Variants in TRAPPC10 observed in about 807,000 individuals in gnomAD.
The protein encoded by TRAPPC10 is TRAPP 130 kDa subunit.
A neutral mutation model predicts 125.5 loss-of-function variants in TRAPPC10; 23 were observed. The observed-to-expected ratio is 0.18, with a 90% CI of 0.13 to 0.26. The LOEUF (loss-of-function observed/expected upper bound fraction) is 0.26, where lower values mean the gene tolerates loss of function less well. Ranked by LOEUF, TRAPPC10 falls within the 10% of genes least tolerant of loss-of-function variation. TRAPPC10 has a pLI of 1.00. For synonymous variants in TRAPPC10, 509 were observed against 518.0 expected (o/e 0.98, Z 0.24); for missense variants, 1,123 against 1,308.4 (o/e 0.86, Z 2.19).
At chr21:44,071,411 G>A (rs1418843926) in intron 7 of TRAPPC10, among the ~76,000 whole-genome samples, 1 of 152,156 alleles carries the variant, frequency 6.6e-6, no homozygotes, top group Non-Finnish European at 1.5e-5. Flanking sequence ...ACTGCAATTA[G>A]GTTTTAAATA....
chr21:44,088,307 A>G (rs2038292280), intron 17 of TRAPPC10: 1 of 226,892 alleles, frequency 4.4e-6, no homozygotes, highest in South Asian at 7.6e-5. Context: ...TCATAAGCTC[A>G]GCCACGGAGG....
chr21:44,092,499 A>C (rs7280711), intron 19 of TRAPPC10, among the ~76,000 whole-genome samples: 152,348 of 152,348 alleles, frequency 1, 76,174 homozygotes, highest in Non-Finnish European at 1. Flanking sequence ...TGAATCTTGA[A>C]CTTGCTTTTT....
chr21:44,092,612 G>T (rs7277533), intron 19 of TRAPPC10, among the ~76,000 whole-genome samples: 152,296 of 152,296 alleles, frequency 1, 76,148 homozygotes, highest in Non-Finnish European at 1. Flanking sequence ...CAAAGGATTT[G>T]CCCCCACTAA....
chr21:44,091,952 T>C lies in TRAPPC10; in HGVS notation c.2900T>C (p.Leu967Ser). The change falls in exon 19 of 23, where the codon TTG becomes TCG. Residue 967 changes from leucine to serine, a missense_variant. Around this residue, in one of 4 missense-constraint regions of TRAPPC10, gnomAD observed 840 missense variants for 902.0 expected, o/e 0.93. Transcript: ENST00000291574. ...RKYVQVCVQN[L>S]SELDFQLSDS... ...TATGTTCAAGTTTGTGTCCAGAATT[T>C]GTCAGAACTTGACTTTCAGCTGTCA... The C allele has an allele frequency of 6.2e-7, 1 of 1,614,118 alleles. No homozygotes were observed. The highest frequency in any genetic ancestry group is 8.5e-7 in the Non-Finnish European group (1 of 1,180,006).
chr21:44,050,728 C>T (rs2035176666), intron 3 of TRAPPC10, among the ~76,000 whole-genome samples: 1 of 151,996 alleles, frequency 6.6e-6, no homozygotes, highest in Non-Finnish European at 1.5e-5. Context: ...TTGAGTTTAC[C>T]AGTTGGTTTT....
chr21:44,078,690 G>A (rs2245386), intron 11 of TRAPPC10, among the ~76,000 whole-genome samples: 50,049 of 152,132 alleles, frequency 0.33, 12,002 homozygotes, highest in African/African-American at 0.68. Flanking sequence ...CTGTGTATCT[G>A]AAGAGGAAGG....
In TRAPPC10 at chr21:44,087,407, T is replaced by G. The variant is rs2038214854; in HGVS notation, c.2540-292T>G. On this transcript the variant is annotated intron_variant, in intron 16 of 22. Coordinates refer to ENST00000291574, the MANE Select transcript of TRAPPC10 (RefSeq NM_003274.5). This position sits in a 1 kb window ranked among gnomAD's most constrained non-coding sequence, Gnocchi z 4.6. ...GGTGGGGGTGGATCTGCGGATGAGC[T>G]GGAACGGGAGAAAGTCATGCAGGGA... is the stretch of plus-strand genomic sequence containing the variant. 6.6e-6 allele frequency among the ~76,000 whole-genome samples: 1 copy of G among 152,148 alleles called. No homozygotes were observed. Among genetic ancestry groups the G allele is most frequent in the East Asian group, 1.9e-4 (1 of 5,188 alleles).
chr21:44,032,148 C>G lies in TRAPPC10; in HGVS notation c.125C>G (p.Pro42Arg). ...SVYPTLSQQL[P>R]REPMEWRRSY... The stretch of plus-strand genomic sequence containing the variant: ...TATCCAACGCTCTCTCAGCAGCTTC[C>G]AAGAGAACCAATGGAATGGAGAAGG... Residue 42 changes from proline (P) to arginine (R), a missense_variant, in exon 2 of 23, where the codon CCA becomes CGA. By Grantham distance (103) the Pro-to-Arg change is moderately radical. Coordinates refer to ENST00000291574, the MANE Select transcript of TRAPPC10 (RefSeq NM_003274.5). The G allele has an allele frequency of 6.2e-7, 1 of 1,613,884 alleles. No individual in the cohort carries two copies. Among genetic ancestry groups the G allele is most frequent in the Non-Finnish European group, 8.5e-7 (1 of 1,179,928 alleles).
Position 44,083,275 on chromosome 21 carries a change from G to A in TRAPPC10, c.2211G>A (p.Gly737=). 1 of 1,613,932 alleles carries A rather than the reference G, an allele frequency of 6.2e-7. No individual in the cohort carries two copies. Among genetic ancestry groups the A allele is most frequent in the Non-Finnish European group, 8.5e-7 (1 of 1,179,952 alleles). The change falls in exon 14 of 23, where the codon GGG becomes GGA. Residue 737 remains glycine (G), a synonymous_variant. Transcript: ENST00000291574. ...LRCSHVTLEP[G]ANQITFRTQA... is the part of the protein sequence containing the mutation. Reference sequence around the variant, plus strand: ...GCAGCCACGTGACCCTGGAACCAGGGGCCAACCAGATAACATTCAGGACTC... The same window carrying A: ...GCAGCCACGTGACCCTGGAACCAGGAGCCAACCAGATAACATTCAGGACTC...
chr21:44,056,340 GTT>G (rs1199802174), intron 5 of TRAPPC10, among the ~76,000 whole-genome samples: 4 of 152,132 alleles, frequency 2.6e-5, no homozygotes, highest in African/African-American at 9.7e-5. Flanking sequence ...AGCAAGAACT[GTT>G]GGAGGCAGGA....
At chr21:44,027,943 T>C (rs34381983) in intron 1 of TRAPPC10, among the ~76,000 whole-genome samples, 4,359 of 152,304 alleles carry the variant, frequency 0.029, 94 homozygotes, top group Non-Finnish European at 0.042. Context: ...ACTTACACCC[T>C]CCAGAAATGA....
chr21:44,062,997 G>T, intron 6 of TRAPPC10: 1 of 1,303,774 alleles, frequency 7.7e-7, no homozygotes, highest in Non-Finnish European at 1.0e-6. Context: ...TCGACAAGCA[G>T]TAATTCTTTT....
chr21:44,052,025 C>G (rs1250324454), intron 3 of TRAPPC10, among the ~76,000 whole-genome samples: 1 of 152,220 alleles, frequency 6.6e-6, no homozygotes, highest in African/African-American at 2.4e-5. Context: ...GTCTCTTTAT[C>G]TGGATCACTG....
At chr21:44,088,996 C>A (rs59165052) in intron 17 of TRAPPC10, 1 of 142,320 alleles carries the variant, frequency 7.0e-6, no homozygotes, top group Non-Finnish European at 1.4e-5. Context: ...CTGGCACTGG[C>A]GGCACCTGTG....
In TRAPPC10 at chr21:44,023,842, G is replaced by C; in HGVS notation, c.68-8249G>C. Reference sequence around the variant, plus strand: ...TGCCCATGCTGTAGTGCAATGGCACGATCTCAGCCCACTGCAACCTCTGCC... The same window carrying C: ...TGCCCATGCTGTAGTGCAATGGCACCATCTCAGCCCACTGCAACCTCTGCC... On this transcript the variant is annotated intron_variant, in intron 1 of 22. Transcript: ENST00000291574. Among the ~76,000 whole-genome samples, 2 of 152,206 alleles carry C rather than the reference G, an allele frequency of 1.3e-5. 1 individual carries two copies. Among genetic ancestry groups the C allele is most frequent in the South Asian group, 4.1e-4 (2 of 4,820 alleles).
At chr21:44,013,128 G>T (rs1490075156) in intron 1 of TRAPPC10, among the ~76,000 whole-genome samples, 2 of 143,892 alleles carry the variant, frequency 1.4e-5, no homozygotes, top group Non-Finnish European at 3.0e-5. Context: ...TGAGAAAGCC[G>T]AGGCTCGGGC....
intron 3 of TRAPPC10, among the ~76,000 whole-genome samples, chr21:44,046,186 A>G (rs1480686826): frequency 6.6e-6 from 1 of 152,200 alleles, no homozygotes; most frequent in Non-Finnish European, 1.5e-5. Flanking sequence ...GAATGTAGAA[A>G]TTTGGTTGGT....
At chr21:44,031,673 G>A (rs967114118) in intron 1 of TRAPPC10, among the ~76,000 whole-genome samples, 1 of 152,212 alleles carries the variant, frequency 6.6e-6, no homozygotes, top group African/African-American at 2.4e-5. Context: ...CTGGCACTTG[G>A]TTGAACAGTG....
intron 7 of TRAPPC10, among the ~76,000 whole-genome samples, chr21:44,070,746 G>A (rs1050079037): frequency 3.9e-5 from 6 of 152,186 alleles, no homozygotes; most frequent in African/African-American, 1.4e-4. Flanking sequence ...CACTCTAATG[G>A]GTAAAATAAG....
Sources: gnomAD v4.1 joint callset for allele counts (sites outside exome capture counted in the v4.1 genomes callset) on GRCh38, gnomAD v4.1.1 for gene constraint, gnomAD v4.1.1 regional missense constraint, Gnocchi (gnomAD v3.1) non-coding constraint, MANE v1.5 for transcripts, NCBI Gene and HGNC (gene_info 2026-07-23, HGNC 2026-07-21) for gene names.